The following TP63 variants were observed in gnomAD, a reference collection of about 807,000 sequenced individuals.
TP63 encodes tumor protein p63.
A neutral mutation model predicts 82.8 loss-of-function variants in TP63; 17 were observed. That is an observed-to-expected ratio of 0.21 (90% confidence interval 0.14 to 0.31). The LOEUF (loss-of-function observed/expected upper bound fraction) is 0.31. Ranked by LOEUF, TP63 falls within the 10% of genes least tolerant of loss-of-function variation. The probability of loss-of-function intolerance (pLI) is 1.00; values close to 1 mark genes in which losing one functional copy is unlikely to be tolerated. For missense variants in TP63, 648 were observed against 895.3 expected (o/e 0.72, Z 3.52); for synonymous variants, 330 against 321.7 (o/e 1.03, Z -0.28).
At chr3:189,800,873 TG>T (rs1167758388) in intron 3 of TP63, among the ~76,000 whole-genome samples, 9 of 152,184 alleles carry the variant, frequency 5.9e-5, no homozygotes, top group Non-Finnish European at 1.3e-4. Flanking sequence ...GGATGGAAGA[TG>T]GATGATAAGT....
chr3:189,890,664 A>G, intron 12 of TP63, 125 bp from the exon 13 acceptor site: 2 of 761,492 alleles, frequency 2.6e-6, no homozygotes, highest in Non-Finnish European at 4.6e-6. Flanking sequence ...ATATTACCCA[A>G]TCCTCATCTC....
rs541482340 is a variant in TP63 at position 189,696,331 on chromosome 3, C to T, written c.63-41409C>T. ...TAGCCTTTTCAGACTGGCTTTTTCA[C>T]TTAGCAGTATACCTGTAAGATTAAT... is the stretch of plus-strand genomic sequence containing the variant. On this transcript the variant is annotated intron_variant, in intron 1 of 13. Coordinates refer to ENST00000264731, the MANE Select transcript of TP63 (RefSeq NM_003722.5). Among the ~76,000 whole-genome samples the T allele has an allele frequency of 1.0e-3, 155 of 152,206 alleles. 1 individual carries two copies. The highest frequency in any genetic ancestry group is 8.9e-3 in the Admixed American group (136 of 15,282).
At chr3:189,815,119 A>G (rs931551227) in intron 4 of TP63, among the ~76,000 whole-genome samples, 13 of 146,640 alleles carry the variant, frequency 8.9e-5, no homozygotes, top group Non-Finnish European at 1.6e-4. Flanking sequence ...TTTTTCCTTC[A>G]TTTATGTTAT....
intron 1 of TP63, among the ~76,000 whole-genome samples, chr3:189,677,621 G>T (rs1715557535): frequency 6.6e-6 from 1 of 151,574 alleles, no homozygotes; most frequent in Admixed American, 6.6e-5. Context: ...CCAGTAGTGG[G>T]GTTACTGGAT....
At chr3:189,830,175 GA>G (rs879339856) in intron 4 of TP63, among the ~76,000 whole-genome samples, 3 of 152,174 alleles carry the variant, frequency 2.0e-5, no homozygotes, top group Admixed American at 2.0e-4. Context: ...TCAGATTTGA[GA>G]TCTGACTAGG....
chr3:189,839,106 C>T (rs1413932219), intron 4 of TP63, among the ~76,000 whole-genome samples: 1 of 148,086 alleles, frequency 6.8e-6, no homozygotes, highest in East Asian at 2.0e-4. Flanking sequence ...TGAGCATGGA[C>T]TCTGTTTATG....
chr3:189,619,585 C>T, the TP63 span, among the ~76,000 whole-genome samples: 1 of 152,286 alleles, frequency 6.6e-6, no homozygotes, highest in South Asian at 2.1e-4. Context: ...CACACTTAGC[C>T]TTTAACTGCT....
chr3:189,792,542 T>C (rs1725257812), intron 3 of TP63, among the ~76,000 whole-genome samples: 1 of 152,098 alleles, frequency 6.6e-6, no homozygotes, highest in Non-Finnish European at 1.5e-5. Context: ...GGGTTTTAGA[T>C]GATGAAGGAA....
rs962154861 is a variant in TP63, at chr3:189,737,728, T to C, written c.63-12T>C. 1.2e-6 allele frequency: 2 copies of C among 1,613,530 alleles called. No homozygotes were observed. Among genetic ancestry groups the C allele is most frequent in the Non-Finnish European group, 1.7e-6 (2 of 1,179,498 alleles). ...GAAAGTATAATACTAGTTTCATTTT[T>C]GTCCTTTTAAGTTTCGTAGAAACCC... On this transcript the variant is annotated splice_polypyrimidine_tract_variant and intron_variant, in intron 1 of 13. Transcript: ENST00000264731.
intron 1 of TP63, among the ~76,000 whole-genome samples, chr3:189,669,712 G>A (rs535898155): frequency 1.3e-5 from 2 of 152,056 alleles, no homozygotes; most frequent in African/African-American, 4.8e-5. Context: ...GCTCTAGGTA[G>A]ACATTAATAA....
At chr3:189,888,131 T>C (rs1314968683) in intron 11 of TP63, among the ~76,000 whole-genome samples, 1 of 152,178 alleles carries the variant, frequency 6.6e-6, no homozygotes, top group African/African-American at 2.4e-5. Context: ...GTGCTGGGAT[T>C]ACAGGCGTGA....
intron 4 of TP63, among the ~76,000 whole-genome samples, chr3:189,817,963 A>T (rs1272010011): frequency 6.6e-6 from 1 of 151,762 alleles, no homozygotes; most frequent in Non-Finnish European, 1.5e-5. Context: ...AAATATGCGC[A>T]TTTAGATATA....
chr3:189,853,071 T>C (rs113250554), intron 4 of TP63, among the ~76,000 whole-genome samples: 5,792 of 152,308 alleles, frequency 0.038, 153 homozygotes, highest in South Asian at 0.063. Flanking sequence ...ATTTTCTCTT[T>C]CTTATCCCAG....
At chr3:189,682,552 AAATATATAT>A (rs1160624306) in intron 1 of TP63, among the ~76,000 whole-genome samples, 2 of 24,042 alleles carry the variant, frequency 8.3e-5, no homozygotes, top group African/African-American at 4.5e-4. Context: ...AAAAAAAAAA[AAATATATAT>A]ATATATATAT....
intron 5 of TP63, among the ~76,000 whole-genome samples, chr3:189,866,303 A>T (rs1466437154): frequency 6.6e-6 from 1 of 152,120 alleles, no homozygotes; most frequent in Non-Finnish European, 1.5e-5. Context: ...TTTCTCAGTT[A>T]AACTGATTTT....
At chr3:189,833,737 G>A (rs1207432443) in intron 4 of TP63, among the ~76,000 whole-genome samples, 3 of 150,768 alleles carry the variant, frequency 2.0e-5, no homozygotes, top group African/African-American at 7.3e-5. Context: ...CATAAAGGTA[G>A]ATCTTGAAAA....
intron 1 of TP63, among the ~76,000 whole-genome samples, chr3:189,673,803 T>G (rs13085052): frequency 0.45 from 69,070 of 151,988 alleles, 16,071 homozygotes; most frequent in East Asian, 0.68. Context: ...TTTCTAATTC[T>G]TTGTCATCAT....
At chr3:189,708,992 A>G (rs1327202844) in intron 1 of TP63, among the ~76,000 whole-genome samples, 1 of 152,134 alleles carries the variant, frequency 6.6e-6, no homozygotes, top group African/African-American at 2.4e-5. Flanking sequence ...CATACCTAGA[A>G]TATATTTTAC....
At chr3:189,734,709 A>G (rs775913649) in intron 1 of TP63, among the ~76,000 whole-genome samples, 10 of 152,096 alleles carry the variant, frequency 6.6e-5, no homozygotes, top group Admixed American at 3.3e-4. Context: ...CTTGACTTCT[A>G]TTTATCTTCT....
Sources: allele counts gnomAD v4.1 joint callset (sites outside exome capture counted in the v4.1 genomes callset), GRCh38; gene constraint gnomAD v4.1.1; transcripts MANE v1.5; gene names NCBI Gene and HGNC (gene_info 2026-07-23, HGNC 2026-07-21).